SH3PXD2A: variants seen among roughly 807,000 people sequenced by gnomAD.
SH3PXD2A encodes SH3 and PX domain-containing protein 2A.
A neutral mutation model predicts 115.2 loss-of-function variants in SH3PXD2A; 32 were observed. The ratio of observed to expected loss-of-function variants is 0.28; its 90% CI spans 0.21 to 0.37. The LOEUF (loss-of-function observed/expected upper bound fraction) is 0.37, where lower values mean the gene tolerates loss of function less well. Among genes scored for constraint, SH3PXD2A ranks in the 10% least tolerant of loss-of-function variants. The pLI is 1.00. For synonymous variants in SH3PXD2A, 610 were observed against 629.1 expected, an observed-to-expected ratio of 0.97 and a Z score of 0.45; for missense variants, 1,328 against 1,498.7, an observed-to-expected ratio of 0.89 and a Z score of 1.88.
chr10:103,758,610 T>C (rs2038667349), intron 3 of SH3PXD2A, among the ~76,000 whole-genome samples: 1 of 152,256 alleles, frequency 6.6e-6, no homozygotes, highest in African/African-American at 2.4e-5. Context: ...AAGGAATGAA[T>C]GTAGCTATTC....
At chr10:103,755,076 G>C (rs2038624246) in intron 3 of SH3PXD2A, 1 of 152,152 alleles carries the variant, frequency 6.6e-6, no homozygotes, top group African/African-American at 2.4e-5. Context: ...GCTCCCAGAT[G>C]ATGGCCACAC....
chr10:103,799,619 G>A (rs1451224672), intron 2 of SH3PXD2A, among the ~76,000 whole-genome samples: 1 of 152,204 alleles, frequency 6.6e-6, no homozygotes, highest in Admixed American at 6.5e-5. Flanking sequence ...AGTGGGTGGG[G>A]GACCATAAGG....
At position 103,679,749 on chromosome 10, in the gene SH3PXD2A, C is replaced by T. The variant is rs973439759; in HGVS notation, c.428-11097G>A. On this transcript the variant is annotated intron_variant, in intron 6 of 14. Transcript: ENST00000369774. The stretch of plus-strand genomic sequence containing the variant: ...GGGGGCCATTGCCAACATACAAAGA[C>T]AGTCTTAGTTTGGTCTGTTGTCACC... Among the ~76,000 whole-genome samples the T allele has an allele frequency of 2.0e-5, 3 of 152,216 alleles. No individual in the cohort carries two copies. In the South Asian group the frequency reaches 6.2e-4, roughly 31 times the overall value.
intron 3 of SH3PXD2A, among the ~76,000 whole-genome samples, chr10:103,761,025 T>C (rs111472877): frequency 2.4e-3 from 359 of 152,322 alleles, no homozygotes; most frequent in African/African-American, 8.2e-3. Context: ...TTGTTGAGGA[T>C]GGGAATGCCG....
rs2039142809 is a variant in SH3PXD2A at position 103,801,142 on chromosome 10, C to G, written c.153+140G>C. ...AGACGAGCCCAGCTCCACCTTCCAG[C>G]TTCCCTCCTCTGTCCCTCTGCTCCC... On this transcript the variant is annotated intron_variant, in intron 2 of 14. Coordinates refer to ENST00000369774, the MANE Select transcript of SH3PXD2A (RefSeq NM_001394015.1). 9 of 615,780 alleles carry G rather than the reference C, an allele frequency of 1.5e-5. No individual in the cohort carries two copies. The South Asian group carries it at 1.7e-4, about 12-fold the overall frequency. The allele number at this position is 615,780 out of a possible 1,614,324, so 38.1% of individuals were successfully genotyped here. A position where few individuals can be genotyped will look rare whatever the true frequency, so the allele number is the denominator to read the frequency against.
At chr10:103,825,557 C>T (rs2039422034) in intron 1 of SH3PXD2A, among the ~76,000 whole-genome samples, 1 of 152,276 alleles carries the variant, frequency 6.6e-6, no homozygotes, top group African/African-American at 2.4e-5. Context: ...TCTCTCCTTC[C>T]TCCCTGGTCA....
At chr10:103,785,362 T>C (rs752555369) in intron 2 of SH3PXD2A, among the ~76,000 whole-genome samples, 13 of 151,948 alleles carry the variant, frequency 8.6e-5, no homozygotes, top group Non-Finnish European at 1.3e-4. Flanking sequence ...CTCTGTCCAG[T>C]CAGATAAGGG....
chr10:103,771,780 C>CACAT (rs1277885378), intron 2 of SH3PXD2A, among the ~76,000 whole-genome samples: 2 of 149,926 alleles, frequency 1.3e-5, no homozygotes, highest in East Asian at 3.9e-4. Flanking sequence ...CACACACACA[C>CACAT]AGACACACAC....
chr10:103,846,103 T>C (rs1842845921), intron 1 of SH3PXD2A, among the ~76,000 whole-genome samples: 1 of 152,218 alleles, frequency 6.6e-6, no homozygotes, highest in Non-Finnish European at 1.5e-5. Flanking sequence ...TTATGCTGCA[T>C]TGACACACAC....
chr10:103,739,149 G>T (rs1401694700), intron 3 of SH3PXD2A, among the ~76,000 whole-genome samples: 3 of 152,154 alleles, frequency 2.0e-5, no homozygotes, highest in Non-Finnish European at 4.4e-5. Context: ...AGGTTGGGGT[G>T]GGGAGGTAGA....
Position 103,665,374 on chromosome 10 carries a change from C to G in SH3PXD2A, c.472+3234G>C, listed in dbSNP as rs959141041. 2.0e-5 allele frequency among the ~76,000 whole-genome samples: 3 copies of G among 152,110 alleles called. No homozygotes were observed. The highest frequency in any genetic ancestry group is 4.8e-5 in the African/African-American group (2 of 41,428). On this transcript the variant is annotated intron_variant, in intron 7 of 14. Coordinates refer to ENST00000369774, the MANE Select transcript of SH3PXD2A (RefSeq NM_001394015.1). This position sits in a 1 kb window ranked among gnomAD's most constrained non-coding sequence, Gnocchi z 4.0. ...TCCACACCCCCACACCCCTTCCCCC[C>G]ACCACTTTCCTGGAAAATTGGCCTG...
chr10:103,809,734 G>A (rs1390700139), intron 1 of SH3PXD2A, among the ~76,000 whole-genome samples: 9 of 147,306 alleles, frequency 6.1e-5, no homozygotes, highest in Non-Finnish European at 1.5e-5. Flanking sequence ...ATCCAGGCTG[G>A]AGTGCAGTGG....
intron 10 of SH3PXD2A, among the ~76,000 whole-genome samples, chr10:103,619,586 G>A (rs2036572550): frequency 6.6e-6 from 1 of 152,184 alleles, no homozygotes; most frequent in Non-Finnish European, 1.5e-5. Flanking sequence ...CCATCATGTG[G>A]GCTCAGCCTC....
chr10:103,601,728 T>A lies in SH3PXD2A; in HGVS notation c.*88A>T. 2 of 180,446 alleles carry A rather than the reference T, an allele frequency of 1.1e-5. No individual in the cohort carries two copies. Among genetic ancestry groups the A allele is most frequent in the African/African-American group, 3.3e-5 (1 of 30,072 alleles). 11.2% of individuals were successfully genotyped at this position (180,446 alleles called of 1,614,324 possible). The stretch of plus-strand genomic sequence containing the variant: ...GTCCACCCCCCACCCCCCACCCCCA[T>A]TTTTTCCTTTCCCTTTTGTTCGTCT... On this transcript the variant is annotated 3_prime_UTR_variant, in exon 15 of 15. Coordinates refer to ENST00000369774, the MANE Select transcript of SH3PXD2A (RefSeq NM_001394015.1).
At chr10:103,690,971 T>C (rs916613792) in intron 6 of SH3PXD2A, among the ~76,000 whole-genome samples, 3 of 151,978 alleles carry the variant, frequency 2.0e-5, no homozygotes, top group Non-Finnish European at 4.4e-5. Flanking sequence ...GGCGTGAGAG[T>C]GGAAGACAGA....
chr10:103,637,180 C>G (rs889613497), intron 8 of SH3PXD2A, among the ~76,000 whole-genome samples: 2 of 152,206 alleles, frequency 1.3e-5, no homozygotes, highest in African/African-American at 2.4e-5. Flanking sequence ...ACGCGGGGTT[C>G]GATTGCCGCC....
At chr10:103,695,953 T>C (rs1280841764) in intron 5 of SH3PXD2A, among the ~76,000 whole-genome samples, 3 of 152,182 alleles carry the variant, frequency 2.0e-5, no homozygotes, top group East Asian at 1.9e-4. Flanking sequence ...GCCGGACAAC[T>C]TCCTCAAGGC....
chr10:103,710,094 C>CAA (rs143663780), intron 5 of SH3PXD2A, among the ~76,000 whole-genome samples: 1 of 123,064 alleles, frequency 8.1e-6, no homozygotes, highest in Non-Finnish European at 1.7e-5. Context: ...GACTCCATCT[C>CAA]AAAAAAAAAA....
At chr10:103,661,974 G>C in intron 7 of SH3PXD2A, 2 of 985,070 alleles carry the variant, frequency 2.0e-6, no homozygotes, top group Non-Finnish European at 2.4e-6. Context: ...CGCTGCCACC[G>C]AGCCCAGGCC....
Sources: gnomAD v4.1 joint callset for allele counts (sites outside exome capture counted in the v4.1 genomes callset) on GRCh38, gnomAD v4.1.1 for gene constraint, Gnocchi (gnomAD v3.1) non-coding constraint, MANE v1.5 for transcripts, NCBI Gene and HGNC (gene_info 2026-07-23, HGNC 2026-07-21) for gene names.